Variants in STAT3 observed in about 807,000 individuals in gnomAD.
STAT3 encodes the protein DNA-binding protein APRF.
In STAT3, 7 loss-of-function variants were observed where a neutral mutation model predicts 114.3. That is an observed-to-expected ratio of 0.06 (90% CI 0.03 to 0.11). STAT3 has a LOEUF of 0.11. Among genes scored for constraint, STAT3 ranks in the 10% least tolerant of loss-of-function variants. The pLI is 1.00. For synonymous variants in STAT3, 331 were observed against 354.5 expected (o/e 0.93, Z 0.74); for missense variants, 364 against 960.9 (o/e 0.38, Z 8.21).
Position 42,320,250 on chromosome 17 carries a change from G to A in STAT3, c.2101+2032C>T, listed in dbSNP as rs370059164. Among the ~76,000 whole-genome samples the A allele has an allele frequency of 9.8e-4, 149 of 152,300 alleles. 1 individual carries two copies. In the South Asian group the frequency reaches 0.031, roughly 31 times the overall value. ...ACCCCAACAAAGGAGAAAGGCAACG[G>A]TCAATTAGCTCCAACTCCCTCTTCC... On this transcript the variant is annotated intron_variant, in intron 21 of 23. Coordinates refer to ENST00000264657, the MANE Select transcript of STAT3 (RefSeq NM_139276.3).
chr17:42,329,820 T>C (rs753667607), intron 11 of STAT3, 44 bp from the exon 12 acceptor site: 1 of 1,610,492 alleles, frequency 6.2e-7, no homozygotes, highest in African/African-American at 1.3e-5. Flanking sequence ...GCTCTGTGTT[T>C]CTTCAAAAAG....
chr17:42,348,557 C>T lies in STAT3; in HGVS notation c.-23-18G>A, dbSNP rs771250401. The T allele has an allele frequency of 1.2e-6, 2 of 1,611,966 alleles. No individual in the cohort carries two copies. The highest frequency in any genetic ancestry group is 1.1e-5 in the South Asian group (1 of 90,870). Reference sequence around the variant, plus strand: ...GGTCCCAACTGTAAACCAAAGTGTGCATATGTTCACCACAAGTCCCAGTAG... The same window carrying T: ...GGTCCCAACTGTAAACCAAAGTGTGTATATGTTCACCACAAGTCCCAGTAG... On this transcript the variant is annotated intron_variant, in intron 1 of 23. Transcript: ENST00000264657.
chr17:42,371,460 C>T (rs929067303), intron 1 of STAT3, among the ~76,000 whole-genome samples: 9 of 149,032 alleles, frequency 6.0e-5, no homozygotes, highest in African/African-American at 9.9e-5. Context: ...CACCTGAGAA[C>T]GGGGAGTTCA....
At chr17:42,354,769 T>C (rs2083148284) in intron 1 of STAT3, among the ~76,000 whole-genome samples, 1 of 137,300 alleles carries the variant, frequency 7.3e-6, no homozygotes, top group Non-Finnish European at 1.5e-5. Context: ...ATCGTGCCAT[T>C]GCACTCCAGC....
chr17:42,328,042 A>AAAAAG (rs2081813495), intron 14 of STAT3, among the ~76,000 whole-genome samples: 1 of 148,786 alleles, frequency 6.7e-6, no homozygotes. Context: ...GACTCAAAAA[A>AAAAAG]AAAAAAGAAA....
At chr17:42,334,082 A>C in intron 8 of STAT3, 33 bp from the exon 9 acceptor site, 2 of 1,613,122 alleles carry the variant, frequency 1.2e-6, no homozygotes, top group South Asian at 2.2e-5. Flanking sequence ...GCTAATTACC[A>C]AAGTGAATGT....
chr17:42,320,221 C>T (rs1196074511), intron 21 of STAT3, among the ~76,000 whole-genome samples: 1 of 152,192 alleles, frequency 6.6e-6, no homozygotes, highest in African/African-American at 2.4e-5. Flanking sequence ...GAACAAGACT[C>T]AGGACCCCAA....
intron 1 of STAT3, among the ~76,000 whole-genome samples, chr17:42,372,781 A>C (rs957294558): frequency 6.6e-6 from 1 of 152,106 alleles, no homozygotes; most frequent in Non-Finnish European, 1.5e-5. Flanking sequence ...CAGGAGTTTC[A>C]GGCTATAGCA....
In STAT3 at chr17:42,365,651, T is replaced by TG. The variant is rs2083743279; in HGVS notation, c.-23-17113dup. On this transcript the variant is annotated intron_variant, in intron 1 of 23. Coordinates refer to ENST00000264657, the MANE Select transcript of STAT3 (RefSeq NM_139276.3). The stretch of plus-strand genomic sequence containing the variant: ...CTTTGCTGTTAAAGTTTTTTTTTTT[T>TG]GTTTTTTTTTGTTTTTTTTTTTGAG... 2.1e-5 allele frequency among the ~76,000 whole-genome samples: 3 copies of TG among 145,114 alleles called. 1 individual carries two copies. The highest frequency in any genetic ancestry group is 4.6e-5 in the Non-Finnish European group (3 of 65,248).
At chr17:42,343,507 T>C (rs1188815069) in intron 4 of STAT3, among the ~76,000 whole-genome samples, 1 of 139,540 alleles carries the variant, frequency 7.2e-6, no homozygotes, top group Non-Finnish European at 1.5e-5. Flanking sequence ...CGCCCAGGAG[T>C]GCAGTGGCGC....
At position 42,315,509 on chromosome 17, in the gene STAT3, C is replaced by T; in HGVS notation, c.*236G>A. 1.6e-6 allele frequency: 1 copy of T among 609,400 alleles called. No individual in the cohort carries two copies. The allele number at this position is 609,400 out of a possible 1,614,324, so 37.7% of individuals were successfully genotyped here. On this transcript the variant is annotated 3_prime_UTR_variant, in exon 24 of 24. Coordinates refer to ENST00000264657, the MANE Select transcript of STAT3 (RefSeq NM_139276.3). Reference sequence around the variant, plus strand: ...CCCGCCACATCCCCTGATCATGGGTCTCAGAGAACACATCCTTATTTGCAT... The same window carrying T: ...CCCGCCACATCCCCTGATCATGGGTTTCAGAGAACACATCCTTATTTGCAT...
chr17:42,321,306 G>C (rs2081472829), intron 21 of STAT3, among the ~76,000 whole-genome samples: 1 of 151,376 alleles, frequency 6.6e-6, no homozygotes, highest in Admixed American at 6.6e-5. Flanking sequence ...AATTATTTTT[G>C]TATAGATAGG....
At chr17:42,374,777 A>G (rs2145298946) in intron 1 of STAT3, among the ~76,000 whole-genome samples, 1 of 152,336 alleles carries the variant, frequency 6.6e-6, no homozygotes, top group South Asian at 2.1e-4. Flanking sequence ...AAGTGACTAC[A>G]CATGGATGCA....
intron 23 of STAT3, chr17:42,316,222 ACTTTTT>A (rs2081243384): frequency 4.2e-6 from 2 of 473,110 alleles, no homozygotes; most frequent in African/African-American, 2.1e-5. Flanking sequence ...AAAGGTCTCA[ACTTTTT>A]CTTTTTAGTT....
chr17:42,334,438 C>A (rs113451232), intron 8 of STAT3, among the ~76,000 whole-genome samples: 1,694 of 116,432 alleles, frequency 0.015, 45 homozygotes, highest in African/African-American at 0.05. Context: ...CTGCGCCTGG[C>A]CTTTTTTTTT....
At chr17:42,385,508 C>CAA (rs11328125) in intron 1 of STAT3, among the ~76,000 whole-genome samples, 5 of 108,266 alleles carry the variant, frequency 4.6e-5, no homozygotes, top group African/African-American at 1.5e-4. Context: ...AACTCCAACT[C>CAA]AAAAAAAAAA....
intron 5 of STAT3, 58 bp downstream of exon 5, chr17:42,339,256 A>T: frequency 1.4e-5 from 3 of 215,188 alleles, no homozygotes; most frequent in Non-Finnish European, 2.2e-5. Context: ...ACCCTGTCTC[A>T]AAAAAAAAAA....
At chr17:42,343,935 A>G (rs2082570636) in intron 4 of STAT3, among the ~76,000 whole-genome samples, 1 of 152,194 alleles carries the variant, frequency 6.6e-6, no homozygotes, top group African/African-American at 2.4e-5. Flanking sequence ...TGTAAATAAT[A>G]AGAGTTCTGT....
At chr17:42,376,525 A>T (rs1324029248) in intron 1 of STAT3, among the ~76,000 whole-genome samples, 3 of 143,270 alleles carry the variant, frequency 2.1e-5, no homozygotes, top group Non-Finnish European at 4.6e-5. Context: ...CCAGCCTGGC[A>T]ACAGAGCAAG....
Sources: gnomAD v4.1 joint callset for allele counts (sites outside exome capture counted in the v4.1 genomes callset) on GRCh38, gnomAD v4.1.1 for gene constraint, MANE v1.5 for transcripts, NCBI Gene and HGNC (gene_info 2026-07-23, HGNC 2026-07-21) for gene names.